PAPOLA: variants seen among roughly 807,000 people sequenced by gnomAD.
PAPOLA encodes poly(A) polymerase alpha, also known as polynucleotide adenylyltransferase alpha.
In PAPOLA, 15 loss-of-function variants were observed where a neutral mutation model predicts 100.6. That is an observed-to-expected ratio of 0.15 (90% CI 0.10 to 0.23). The LOEUF (loss-of-function observed/expected upper bound fraction) is 0.23. Among genes scored for constraint, PAPOLA ranks in the 10% least tolerant of loss-of-function variants. The pLI is 1.00. For missense variants in PAPOLA, 533 were observed against 884.2 expected, an observed-to-expected ratio of 0.60 and a Z score of 5.04; for synonymous variants, 293 against 300.0, an observed-to-expected ratio of 0.98 and a Z score of 0.24.
intron 2 of PAPOLA, 123 bp from the exon 3 acceptor site, chr14:96,520,883 A>G (rs1434682473): frequency 9.2e-6 from 6 of 655,040 alleles, no homozygotes; most frequent in Non-Finnish European, 1.4e-5. Flanking sequence ...TGCACTAACT[A>G]CAATATACTG....
intron 1 of PAPOLA, among the ~76,000 whole-genome samples, chr14:96,503,947 A>G (rs577784327): frequency 2.0e-5 from 3 of 152,222 alleles, no homozygotes; most frequent in South Asian, 2.1e-4. Context: ...TAAGAAGTCT[A>G]TCACATTACT....
intron 7 of PAPOLA, 178 bp downstream of exon 7, chr14:96,531,764 C>T: frequency 8.2e-6 from 12 of 1,458,910 alleles, no homozygotes; most frequent in Admixed American, 2.6e-5. Context: ...TTTCACTCTA[C>T]AGTATTTTAT....
intron 6 of PAPOLA, among the ~76,000 whole-genome samples, chr14:96,528,337 G>C (rs1425426003): frequency 2.0e-5 from 3 of 152,128 alleles, no homozygotes; most frequent in African/African-American, 7.2e-5. Flanking sequence ...ATGTGTTTTT[G>C]CAAGTAATGC....
At chr14:96,549,688 C>T (rs1200596714) in intron 16 of PAPOLA, among the ~76,000 whole-genome samples, 2 of 152,110 alleles carry the variant, frequency 1.3e-5, no homozygotes, top group Non-Finnish European at 2.9e-5. Flanking sequence ...TAAAATTTTC[C>T]ATCAAGCAGT....
intron 4 of PAPOLA, chr14:96,526,945 C>A (rs554532547): frequency 6.5e-6 from 1 of 153,542 alleles, no homozygotes; most frequent in African/African-American, 2.4e-5. Context: ...TCTTATCAAG[C>A]ACTGAATTAA....
intron 19 of PAPOLA, 137 bp from the exon 20 acceptor site, chr14:96,560,512 G>C (rs1261236764): frequency 4.8e-6 from 3 of 624,958 alleles, no homozygotes; most frequent in Non-Finnish European, 8.5e-6. Context: ...AGAGGGACCA[G>C]TTATCTATTT....
At position 96,532,541 on chromosome 14, in the gene PAPOLA, T is replaced by C; in HGVS notation, c.728T>C (p.Phe243Ser). The change falls in exon 9 of 22, where the codon TTC becomes TCC. Residue 243 changes from phenylalanine to serine, a missense_variant. Phe to Ser is a radical substitution (Grantham distance 155, BLOSUM62 -2). Transcript: ENST00000216277. ...AACATCTATTCCAATATATTAGGTTTCCTCGGTGGTGTTTCCTGGGCTATG... is the reference window on the plus strand; with the variant it reads ...AACATCTATTCCAATATATTAGGTTCCCTCGGTGGTGTTTCCTGGGCTATG... ...RHNIYSNILG[F>S]LGGVSWAMLV... 1 of 1,611,210 alleles carries C rather than the reference T, an allele frequency of 6.2e-7. No homozygotes were observed. The highest frequency in any genetic ancestry group is 1.7e-5 in the Admixed American group (1 of 59,232).
At chr14:96,534,707 A>T in intron 10 of PAPOLA, 144 bp downstream of exon 10, 1 of 1,472,144 alleles carries the variant, frequency 6.8e-7, no homozygotes, top group Non-Finnish European at 9.0e-7. Context: ...AACCTCAACT[A>T]TAATTGTCCT....
intron 1 of PAPOLA, among the ~76,000 whole-genome samples, chr14:96,517,698 CTTTTT>C (rs774296764): frequency 8.2e-6 from 1 of 121,866 alleles, no homozygotes; most frequent in African/African-American, 3.1e-5. Context: ...TCAGCAAATG[CTTTTT>C]TTTTTTTTTT....
intron 6 of PAPOLA, among the ~76,000 whole-genome samples, chr14:96,530,748 G>A (rs1375507958): frequency 1.3e-5 from 2 of 152,098 alleles, no homozygotes; most frequent in Non-Finnish European, 2.9e-5. Flanking sequence ...ATATAGTTTG[G>A]ACTTTTGGAG....
Position 96,542,755 on chromosome 14 carries a change from C to T in PAPOLA, c.1170-19C>T, listed in dbSNP as rs768819574. 1.9e-6 allele frequency: 3 copies of T among 1,582,886 alleles called. No homozygotes were observed. The highest frequency in any genetic ancestry group is 4.1e-5 in the Admixed American group (2 of 49,252). The stretch of plus-strand genomic sequence containing the variant: ...AGTTAACCAAAACTTTTTGTTAATA[C>T]TAAGTGACATTTGTTCAGGGTGGGC... On this transcript the variant is annotated intron_variant, in intron 13 of 21. Coordinates refer to ENST00000216277, the MANE Select transcript of PAPOLA (RefSeq NM_032632.5).
intron 20 of PAPOLA, among the ~76,000 whole-genome samples, chr14:96,562,219 A>G (rs1901911705): frequency 6.6e-6 from 1 of 151,898 alleles, no homozygotes; most frequent in Non-Finnish European, 1.5e-5. Context: ...TTATTTGTGT[A>G]GATATTATTT....
At chr14:96,520,332 G>T in intron 2 of PAPOLA, 104 bp downstream of exon 2, 1 of 835,148 alleles carries the variant, frequency 1.2e-6, no homozygotes, top group Non-Finnish European at 1.8e-6. Context: ...AGGGTTATTT[G>T]CCCAGATCTA....
chr14:96,549,945 G>A (rs1900703981), intron 16 of PAPOLA, among the ~76,000 whole-genome samples: 1 of 152,138 alleles, frequency 6.6e-6, no homozygotes, highest in Admixed American at 6.5e-5. Context: ...TTGAGGCTGG[G>A]AGTTCAAGAC....
chr14:96,553,533 T>A (rs972360349), intron 17 of PAPOLA: 11 of 149,564 alleles, frequency 7.4e-5, no homozygotes, highest in South Asian at 2.1e-4. Flanking sequence ...AAAAAAAAAA[T>A]TTTGAGTCTC....
rs956512341 is a variant in PAPOLA, at chr14:96,507,989, C to T, written c.8+5389C>T. Among the ~76,000 whole-genome samples the T allele has an allele frequency of 3.9e-5, 6 of 152,196 alleles. 1 individual carries two copies. The highest frequency in any genetic ancestry group is 3.9e-4 in the Admixed American group (6 of 15,282). ...ATCCCAGGTTCAAGTGATTCTCCTG[C>T]CTCAGCCTACCGAGTAGCTGAGATT... On this transcript the variant is annotated intron_variant, in intron 1 of 21. Transcript: ENST00000216277.
intron 19 of PAPOLA, among the ~76,000 whole-genome samples, chr14:96,559,575 C>CTATATA (rs1196304057): frequency 8.6e-4 from 98 of 113,620 alleles, no homozygotes; most frequent in Middle Eastern, 4.3e-3. Context: ...CTCTCTCTCT[C>CTATATA]TCTCTCTATA....
intron 1 of PAPOLA, among the ~76,000 whole-genome samples, chr14:96,509,465 A>C (rs1175660274): frequency 6.6e-6 from 1 of 152,266 alleles, no homozygotes; most frequent in Non-Finnish European, 1.5e-5. Context: ...AGTAACATAT[A>C]GTGTATACTT....
intron 3 of PAPOLA, among the ~76,000 whole-genome samples, chr14:96,522,311 G>T (rs975540221): frequency 5.9e-5 from 9 of 151,522 alleles, no homozygotes; most frequent in Admixed American, 1.3e-4. Flanking sequence ...GTAGAGATGG[G>T]CTTTTGCCAC....
Sources: allele counts gnomAD v4.1 joint callset (sites outside exome capture counted in the v4.1 genomes callset), GRCh38; gene constraint gnomAD v4.1.1; transcripts MANE v1.5; gene names NCBI Gene and HGNC (gene_info 2026-07-23, HGNC 2026-07-21).